The following PRKN variants were observed in gnomAD, a reference collection of about 807,000 sequenced individuals.
PRKN encodes the protein parkin RBR E3 ubiquitin protein ligase.
In PRKN, 56 loss-of-function variants were observed where a neutral mutation model predicts 59.5. The ratio of observed to expected loss-of-function variants is 0.94; its 90% confidence interval spans 0.76 to 1.18. The LOEUF is 1.18. Among genes scored for constraint, PRKN ranks in the 50% most tolerant of loss-of-function variants. The probability of loss-of-function intolerance (pLI) is 0.00; values close to 1 mark genes in which losing one functional copy is unlikely to be tolerated. For missense variants in PRKN, 657 were observed against 596.4 expected, an observed-to-expected ratio of 1.10 and a Z score of -1.06; for synonymous variants, 250 against 222.1, an observed-to-expected ratio of 1.13 and a Z score of -1.12.
At chr6:162,389,211 C>T (rs2128143766) in intron 2 of PRKN, among the ~76,000 whole-genome samples, 1 of 152,096 alleles carries the variant, frequency 6.6e-6, no homozygotes, top group South Asian at 2.1e-4. Context: ...GGATGGGCCA[C>T]ACAACATATA....
At chr6:162,482,649 C>T (rs577491736) in intron 1 of PRKN, among the ~76,000 whole-genome samples, 9 of 152,032 alleles carry the variant, frequency 5.9e-5, no homozygotes, top group Admixed American at 2.6e-4. Flanking sequence ...TTAAAAACAA[C>T]GAAAGAAAAA....
chr6:161,749,102 C>T (rs1303560108), intron 7 of PRKN, among the ~76,000 whole-genome samples: 2 of 152,058 alleles, frequency 1.3e-5, no homozygotes, highest in Non-Finnish European at 2.9e-5. Flanking sequence ...GATTCAGGGC[C>T]GGGAGGCGGG....
At chr6:162,246,368 A>G (rs1779194489) in intron 3 of PRKN, among the ~76,000 whole-genome samples, 2 of 152,176 alleles carry the variant, frequency 1.3e-5, no homozygotes, top group African/African-American at 4.8e-5. Flanking sequence ...GAAAGAAAGC[A>G]AACCTACAAC....
At chr6:162,466,799 T>G (rs979498559) in intron 1 of PRKN, among the ~76,000 whole-genome samples, 1 of 152,132 alleles carries the variant, frequency 6.6e-6, no homozygotes, top group African/African-American at 2.4e-5. Context: ...TTCCTTTTTT[T>G]TTTCTTTTAA....
intron 1 of PRKN, among the ~76,000 whole-genome samples, chr6:162,681,186 A>G (rs1779755936): frequency 1.3e-5 from 2 of 152,150 alleles, no homozygotes; most frequent in South Asian, 4.1e-4. Flanking sequence ...AAAATAGTTT[A>G]TTAGCAAAAA....
In PRKN at chr6:161,581,916, C is replaced by T. The variant is rs1781354601; in HGVS notation, c.872-12500G>A. 6.6e-6 allele frequency among the ~76,000 whole-genome samples: 1 copy of T among 152,134 alleles called. No homozygotes were observed. Among genetic ancestry groups the T allele is most frequent in the African/African-American group, 2.4e-5 (1 of 41,422 alleles). ...GAGGACACACATTAATGAAACAGTC[C>T]ACTCTTCACAGTGCTTAGGGCGTCC... On this transcript the variant is annotated intron_variant, in intron 7 of 11. Transcript: ENST00000366898. The surrounding 1 kb of genome is among the most constrained non-coding windows in gnomAD (Gnocchi z 4.5).
chr6:162,249,809 T>C lies in PRKN; in HGVS notation c.412+12716A>G, dbSNP rs909239695. 1.2e-4 allele frequency among the ~76,000 whole-genome samples: 18 copies of C among 152,160 alleles called. 1 individual carries two copies. In the South Asian group the frequency reaches 2.7e-3, roughly 23 times the overall value. On this transcript the variant is annotated intron_variant, in intron 3 of 11. Coordinates refer to ENST00000366898, the MANE Select transcript of PRKN (RefSeq NM_004562.3). Reference sequence around the variant, plus strand: ...AGGCCATGTTTCATCTGGATGAAAATAGCATTTTTCTGTGATTAAAACAAA... The same window carrying C: ...AGGCCATGTTTCATCTGGATGAAAACAGCATTTTTCTGTGATTAAAACAAA...
chr6:162,481,008 A>C (rs1406039993), intron 1 of PRKN, among the ~76,000 whole-genome samples: 1 of 151,536 alleles, frequency 6.6e-6, no homozygotes, highest in Non-Finnish European at 1.5e-5. Flanking sequence ...ATTTTTAGTA[A>C]AGACAGAGTT....
intron 9 of PRKN, among the ~76,000 whole-genome samples, chr6:161,489,190 T>C (rs1777453657): frequency 6.6e-6 from 1 of 152,092 alleles, no homozygotes; most frequent in African/African-American, 2.4e-5. Flanking sequence ...ATACATTTTG[T>C]ATTTTAGTTG....
In PRKN at chr6:161,369,117, G is replaced by A. The variant is rs1370982260; in HGVS notation, c.1168-8912C>T. 3.9e-5 allele frequency among the ~76,000 whole-genome samples: 6 copies of A among 152,176 alleles called. No individual in the cohort carries two copies. The highest frequency in any genetic ancestry group is 8.8e-5 in the Non-Finnish European group (6 of 68,034). Reference sequence around the variant, plus strand: ...GTTTAGACCTTTGACTGCCACTTCCGAGAGGGGATTTCTACCAGGAGGAGC... The same window carrying A: ...GTTTAGACCTTTGACTGCCACTTCCAAGAGGGGATTTCTACCAGGAGGAGC... On this transcript the variant is annotated intron_variant, in intron 10 of 11. Coordinates refer to ENST00000366898, the MANE Select transcript of PRKN (RefSeq NM_004562.3). The surrounding 1 kb of genome is among the most constrained non-coding windows in gnomAD (Gnocchi z 5.8).
chr6:162,124,737 A>G (rs1220859911), intron 4 of PRKN, among the ~76,000 whole-genome samples: 1 of 152,206 alleles, frequency 6.6e-6, no homozygotes, highest in African/African-American at 2.4e-5. Flanking sequence ...GAATCTGCAG[A>G]TAAGTCTATT....
At chr6:162,096,942 G>T (rs1479886470) in intron 4 of PRKN, among the ~76,000 whole-genome samples, 1 of 132,056 alleles carries the variant, frequency 7.6e-6, no homozygotes, top group Non-Finnish European at 1.5e-5. Context: ...TCTTGGCTCA[G>T]TGCAACCTCT....
chr6:161,540,365 A>G (rs1053759098), intron 9 of PRKN, among the ~76,000 whole-genome samples: 1 of 152,200 alleles, frequency 6.6e-6, no homozygotes, highest in East Asian at 1.9e-4. Flanking sequence ...GTTACTAAGC[A>G]TACACGATCA....
At chr6:162,659,074 G>T (rs1167551278) in intron 1 of PRKN, among the ~76,000 whole-genome samples, 2 of 152,132 alleles carry the variant, frequency 1.3e-5, no homozygotes, top group Non-Finnish European at 2.9e-5. Context: ...ACTTTTTATG[G>T]ATTAATCATT....
intron 1 of PRKN, among the ~76,000 whole-genome samples, chr6:162,560,822 G>A (rs1583806244): frequency 9.6e-6 from 1 of 103,902 alleles, no homozygotes; most frequent in East Asian, 3.1e-4. Context: ...ATGGAAAGAA[G>A]GCTTTCAATT....
chr6:161,944,476 G>T (rs919780667), intron 6 of PRKN, among the ~76,000 whole-genome samples: 1 of 151,692 alleles, frequency 6.6e-6, no homozygotes, highest in African/African-American at 2.4e-5. Context: ...CCTCCTTCTT[G>T]GGGCCATTGA....
Position 161,444,256 on chromosome 6 carries a change from G to T in PRKN, c.1084-57379C>A, listed in dbSNP as rs921279080. ...AAGGAAATCCTCTTGCCTGGAAGAG[G>T]CTCCCAATCATCTGTCAACTTGTCT... On this transcript the variant is annotated intron_variant, in intron 9 of 11. Coordinates refer to ENST00000366898, the MANE Select transcript of PRKN (RefSeq NM_004562.3). This position sits in a 1 kb window ranked among gnomAD's most constrained non-coding sequence, Gnocchi z 5.6. Among the ~76,000 whole-genome samples, 1 of 152,192 alleles carries T rather than the reference G, an allele frequency of 6.6e-6. No homozygotes were observed. Among genetic ancestry groups the T allele is most frequent in the Non-Finnish European group, 1.5e-5 (1 of 68,036 alleles).
intron 2 of PRKN, among the ~76,000 whole-genome samples, chr6:162,263,887 C>T (rs561421906): frequency 1.3e-5 from 2 of 150,276 alleles, no homozygotes; most frequent in African/African-American, 2.5e-5. Flanking sequence ...GCCACCCCCA[C>T]CCCCCCAACC....
chr6:162,394,346 G>A (rs1042307233), intron 2 of PRKN, among the ~76,000 whole-genome samples: 6 of 152,156 alleles, frequency 3.9e-5, no homozygotes, highest in Admixed American at 3.3e-4. Flanking sequence ...CACGAGCTTC[G>A]GGTGTGATAC....
Sources: gnomAD v4.1 joint callset for allele counts (sites outside exome capture counted in the v4.1 genomes callset) on GRCh38, gnomAD v4.1.1 for gene constraint, Gnocchi (gnomAD v3.1) non-coding constraint, MANE v1.5 for transcripts, NCBI Gene and HGNC (gene_info 2026-07-23, HGNC 2026-07-21) for gene names.